The following PSTPIP2 variants were observed in gnomAD, a reference collection of about 807,000 sequenced individuals.
PSTPIP2 encodes proline-serine-threonine phosphatase-interacting protein 2.
Under a neutral mutation model 63.3 loss-of-function variants are expected in PSTPIP2, and 33 were observed. The observed-to-expected ratio is 0.52, with a 90% CI of 0.40 to 0.70. PSTPIP2 has a LOEUF of 0.70. Among genes scored for constraint, PSTPIP2 ranks in the 30% least tolerant of loss-of-function variants. The probability of loss-of-function intolerance (pLI) is 0.00; values close to 1 mark genes in which losing one functional copy is unlikely to be tolerated. For missense variants in PSTPIP2, 312 were observed against 400.7 expected, an observed-to-expected ratio of 0.78 and a Z score of 1.89; for synonymous variants, 125 against 132.7, an observed-to-expected ratio of 0.94 and a Z score of 0.40.
At position 45,985,318 on chromosome 18, in the gene PSTPIP2, T is replaced by G; in HGVS notation, c.*141A>C. Reference sequence around the variant, plus strand: ...GTTGTCCTAAATGTCTACCATAAATTTTAAATCTCTAAAAAATTATAGCAA... The same window carrying G: ...GTTGTCCTAAATGTCTACCATAAATGTTAAATCTCTAAAAAATTATAGCAA... On this transcript the variant is annotated 3_prime_UTR_variant, in exon 15 of 15. Transcript: ENST00000409746. The G allele has an allele frequency of 4.0e-6, 5 of 1,256,646 alleles. No homozygotes were observed. The highest frequency in any genetic ancestry group is 5.6e-6 in the Non-Finnish European group (5 of 896,144). The allele number at this position is 1,256,646 out of a possible 1,614,324, so 77.8% of individuals were successfully genotyped here.
chr18:46,041,109 AG>A, intron 1 of PSTPIP2: 1 of 454,222 alleles, frequency 2.2e-6, no homozygotes, highest in Non-Finnish European at 4.4e-6. Flanking sequence ...ACAAAAGACA[AG>A]CAGCTCTGAG....
chr18:45,992,923 A>C (rs1204482244), intron 10 of PSTPIP2, among the ~76,000 whole-genome samples: 1 of 152,066 alleles, frequency 6.6e-6, no homozygotes, highest in Non-Finnish European at 1.5e-5. Flanking sequence ...ACGGGGTTTC[A>C]CCATGTTGGC....
intron 1 of PSTPIP2, among the ~76,000 whole-genome samples, chr18:46,048,155 A>T (rs954888760): frequency 6.6e-6 from 1 of 152,210 alleles, no homozygotes; most frequent in African/African-American, 2.4e-5. Context: ...GGAGGGTCAT[A>T]GAGTCAGGAT....
At chr18:46,021,150 C>A (rs1158097754) in intron 3 of PSTPIP2, among the ~76,000 whole-genome samples, 2 of 152,116 alleles carry the variant, frequency 1.3e-5, no homozygotes, top group African/African-American at 2.4e-5. Flanking sequence ...GTAGTTTGGA[C>A]CCTTGGACGT....
intron 1 of PSTPIP2, among the ~76,000 whole-genome samples, chr18:46,070,866 C>T (rs1292180615): frequency 6.6e-6 from 1 of 152,154 alleles, no homozygotes; most frequent in Non-Finnish European, 1.5e-5. Flanking sequence ...TATGTCTCCA[C>T]GAACCAGTTC....
At chr18:46,005,601 A>G (rs1017759891) in intron 5 of PSTPIP2, 70 bp from the exon 6 acceptor site, 3 of 1,156,760 alleles carry the variant, frequency 2.6e-6, no homozygotes. Context: ...AATCATTATC[A>G]ATACCAGCTT....
intron 6 of PSTPIP2, among the ~76,000 whole-genome samples, chr18:46,004,919 T>C (rs987491857): frequency 2.0e-5 from 3 of 152,322 alleles, no homozygotes; most frequent in Non-Finnish European, 4.4e-5. Context: ...TGAATGTTCA[T>C]TGCAGCACTG....
intron 6 of PSTPIP2, among the ~76,000 whole-genome samples, chr18:46,001,144 T>C (rs991185889): frequency 6.6e-6 from 1 of 152,232 alleles, no homozygotes. Context: ...AGTAAGTCTA[T>C]TTGTAGTTTT....
At chr18:46,070,136 G>T in intron 1 of PSTPIP2, among the ~76,000 whole-genome samples, 1 of 152,126 alleles carries the variant, frequency 6.6e-6, no homozygotes, top group East Asian at 1.9e-4. Context: ...GGGCAGAACT[G>T]GATTCAAGCC....
rs533891867 is a variant in PSTPIP2, at chr18:45,985,154, C to T, written c.*305G>A. 9.3e-6 allele frequency: 4 copies of T among 429,070 alleles called. No homozygotes were observed. In the East Asian group the frequency reaches 1.3e-4, roughly 14 times the overall value. 26.6% of individuals were successfully genotyped at this position (429,070 alleles called of 1,614,324 possible). ...GCCACCTCTGCTCCTCAAGTGGATG[C>T]TCCAAATCCAGAAGTGGATTTCATG... is the stretch of plus-strand genomic sequence containing the variant. On this transcript the variant is annotated 3_prime_UTR_variant, in exon 15 of 15. Coordinates refer to ENST00000409746, the MANE Select transcript of PSTPIP2 (RefSeq NM_024430.4).
At chr18:46,044,063 C>G (rs915668841) in intron 1 of PSTPIP2, among the ~76,000 whole-genome samples, 1 of 151,998 alleles carries the variant, frequency 6.6e-6, no homozygotes, top group Non-Finnish European at 1.5e-5. Flanking sequence ...ATCAATTTCC[C>G]CAAATTGATC....
chr18:46,033,197 A>T (rs1259178624), intron 2 of PSTPIP2, among the ~76,000 whole-genome samples: 2 of 152,180 alleles, frequency 1.3e-5, no homozygotes, highest in Non-Finnish European at 2.9e-5. Context: ...TCCCATCCCG[A>T]TACTCTATTT....
At chr18:46,020,303 G>A (rs540721044) in intron 3 of PSTPIP2, among the ~76,000 whole-genome samples, 1 of 152,244 alleles carries the variant, frequency 6.6e-6, no homozygotes, top group South Asian at 2.1e-4. Flanking sequence ...TTCCATTATA[G>A]ATTTGAGTCT....
intron 6 of PSTPIP2, among the ~76,000 whole-genome samples, chr18:46,005,046 C>A (rs1298646320): frequency 1.3e-5 from 2 of 152,178 alleles, no homozygotes; most frequent in African/African-American, 4.8e-5. Flanking sequence ...AGAATGAAAT[C>A]ATGTCTTTTG....
rs530965084 is a variant in PSTPIP2, at chr18:46,010,992, C to T, written c.354+189G>A. ...ATCCTATGTGAACTTTAAAAAAGGACAACTGGCCTGGGGTGTAGAAATGCA... is the reference window on the plus strand; with the variant it reads ...ATCCTATGTGAACTTTAAAAAAGGATAACTGGCCTGGGGTGTAGAAATGCA... On this transcript the variant is annotated intron_variant, in intron 5 of 14. Coordinates refer to ENST00000409746, the MANE Select transcript of PSTPIP2 (RefSeq NM_024430.4). 7.1e-5 allele frequency: 38 copies of T among 538,392 alleles called. 1 individual carries two copies. In the South Asian group the frequency reaches 1.0e-3, roughly 15 times the overall value. The allele number at this position is 538,392 out of a possible 1,614,324, so 33.4% of individuals were successfully genotyped here. A position where few individuals can be genotyped will look rare whatever the true frequency, so the allele number is the denominator to read the frequency against.
chr18:46,059,649 C>T (rs1908919217), intron 1 of PSTPIP2, among the ~76,000 whole-genome samples: 1 of 151,588 alleles, frequency 6.6e-6, no homozygotes, highest in African/African-American at 2.4e-5. Flanking sequence ...TCTAAAATTC[C>T]AGAGAAAACA....
intron 1 of PSTPIP2, among the ~76,000 whole-genome samples, chr18:46,069,294 T>C (rs1475217021): frequency 3.3e-5 from 5 of 152,208 alleles, no homozygotes; most frequent in African/African-American, 1.2e-4. Context: ...GCTGTTTCCC[T>C]GGATCTTTGG....
At chr18:46,035,957 T>C (rs1472511812) in intron 2 of PSTPIP2, among the ~76,000 whole-genome samples, 1 of 152,200 alleles carries the variant, frequency 6.6e-6, no homozygotes, top group African/African-American at 2.4e-5. Flanking sequence ...ATGTTGGCTG[T>C]GGTTGCCAGC....
At chr18:46,022,540 G>A (rs892795869) in intron 3 of PSTPIP2, among the ~76,000 whole-genome samples, 1 of 152,108 alleles carries the variant, frequency 6.6e-6, no homozygotes, top group Admixed American at 6.6e-5. Context: ...TTCCAAATGA[G>A]TAGGACTGGC....
Sources: gnomAD v4.1 joint callset for allele counts (sites outside exome capture counted in the v4.1 genomes callset) on GRCh38, gnomAD v4.1.1 for gene constraint, MANE v1.5 for transcripts, NCBI Gene and HGNC (gene_info 2026-07-23, HGNC 2026-07-21) for gene names.